PUDP: variants seen among roughly 807,000 people sequenced by gnomAD.
PUDP encodes the protein pseudouridine 5'-phosphatase.
A neutral mutation model predicts 9.4 loss-of-function variants in PUDP; 8 were observed. That is an observed-to-expected ratio of 0.85 (90% CI 0.50 to 1.53). The LOEUF is 1.53. Among genes scored for constraint, PUDP ranks in the 40% most tolerant of loss-of-function variants. The probability of loss-of-function intolerance (pLI) is 0.00; values close to 1 mark genes in which losing one functional copy is unlikely to be tolerated. For missense variants in PUDP, 188 were observed against 189.7 expected (o/e 0.99, Z 0.05); for synonymous variants, 99 against 80.7 (o/e 1.23, Z -1.22).
intron 3 of PUDP, among the ~76,000 whole-genome samples, chrX:6,747,893 C>T (rs1295945750): frequency 8.9e-6 from 1 of 111,919 alleles, no homozygotes; most frequent in Non-Finnish European, 1.9e-5. Flanking sequence ...GAACTAGCAG[C>T]AGAGAACGTA....
intron 3 of PUDP, among the ~76,000 whole-genome samples, chrX:6,790,236 T>C (rs1360269543): frequency 1.8e-5 from 2 of 111,250 alleles, no homozygotes; most frequent in East Asian, 2.8e-4. Flanking sequence ...GGATATGATA[T>C]ATAGATGGAG....
chrX:6,796,646 CAT>C (rs1418258819), intron 3 of PUDP, among the ~76,000 whole-genome samples: 3 of 111,837 alleles, frequency 2.7e-5, no homozygotes, highest in Non-Finnish European at 5.6e-5. Context: ...ATTATATACT[CAT>C]GTGTGTGTAT....
At chrX:6,808,557 C>T (rs772513897) in intron 3 of PUDP, among the ~76,000 whole-genome samples, 2 of 111,731 alleles carry the variant, frequency 1.8e-5, no homozygotes, top group Admixed American at 1.9e-4. Flanking sequence ...CTTTGCTTGA[C>T]AGAATTCCCT....
intron 1 of PUDP, among the ~76,000 whole-genome samples, chrX:7,012,481 G>A (rs1295707999): frequency 3.6e-5 from 4 of 111,675 alleles, no homozygotes; most frequent in Non-Finnish European, 7.5e-5. Context: ...ACTGCCGCAC[G>A]CTCAGATGAA....
Position 7,105,630 on chromosome X carries a change from C to T in PUDP, c.270G>A (p.Ala90=), listed in dbSNP as rs200144671. ...GCGAGGCAACCGCACCTGGCATGAG[C>T]GCAGCCGTGGGGAACACTTCCTTTA... ...TKLKEVFPTA[A]LMPGAEKLII... The change falls in exon 2 of 4, where the codon GCG becomes GCA. Residue 90 remains alanine (A), a synonymous_variant. Coordinates refer to ENST00000381077, the MANE Select transcript of PUDP (RefSeq NM_012080.5). 9.1e-5 allele frequency: 110 copies of T among 1,202,221 alleles called. No homozygotes were observed. The East Asian group carries it at 3.1e-3, about 34-fold the overall frequency.
chrX:6,976,135 C>T (rs1346260775), intron 3 of PUDP, among the ~76,000 whole-genome samples: 5 of 112,276 alleles, frequency 4.5e-5, no homozygotes, highest in African/African-American at 1.6e-4. Context: ...ACTAGCTGGG[C>T]TCCATGGGGG....
intron 3 of PUDP, among the ~76,000 whole-genome samples, chrX:7,068,654 G>A (rs780346380): frequency 2.7e-5 from 3 of 112,362 alleles, no homozygotes; most frequent in East Asian, 2.8e-4. Context: ...GAGAATCCTC[G>A]TGCAATGAGA....
At chrX:7,117,930 T>A (rs1377252544) in intron 1 of PUDP, among the ~76,000 whole-genome samples, 2 of 113,359 alleles carry the variant, frequency 1.8e-5, no homozygotes, top group African/African-American at 6.4e-5. Context: ...AGGGAGCTCA[T>A]CCTGGTGCTC....
At chrX:6,805,409 G>A (rs1175129931) in intron 3 of PUDP, among the ~76,000 whole-genome samples, 1 of 111,621 alleles carries the variant, frequency 9.0e-6, no homozygotes, top group East Asian at 2.8e-4. Context: ...GGGTCCTAAG[G>A]GCAGAGAGAC....
chrX:7,002,375 T>C (rs1376987186), intron 1 of PUDP, among the ~76,000 whole-genome samples: 4 of 112,129 alleles, frequency 3.6e-5, no homozygotes, highest in African/African-American at 1.3e-4. Flanking sequence ...GCTGACAATG[T>C]ACTGGAGGAC....
intron 3 of PUDP, among the ~76,000 whole-genome samples, chrX:6,872,059 CAT>C (rs1927182402): frequency 9.0e-6 from 1 of 110,984 alleles, no homozygotes; most frequent in African/African-American, 3.3e-5. Flanking sequence ...GGGTCTCTTT[CAT>C]AAGGGCACAG....
At chrX:7,033,860 A>G (rs1488926835) in intron 1 of PUDP, among the ~76,000 whole-genome samples, 1 of 112,062 alleles carries the variant, frequency 8.9e-6, no homozygotes, top group Non-Finnish European at 1.9e-5. Flanking sequence ...GGGTGTGACC[A>G]GTAGATTGAT....
chrX:6,750,585 C>T (rs972903328), intron 3 of PUDP, among the ~76,000 whole-genome samples: 2 of 111,453 alleles, frequency 1.8e-5, no homozygotes, highest in Admixed American at 1.9e-4. Context: ...AACATTGACC[C>T]CTGGTAGGCT....
At chrX:6,749,596 T>A (rs1033226862) in intron 3 of PUDP, among the ~76,000 whole-genome samples, 3 of 112,067 alleles carry the variant, frequency 2.7e-5, no homozygotes, top group African/African-American at 9.7e-5. Context: ...GAAATGAATC[T>A]TGGCAGGATG....
In PUDP at chrX:7,050,448, TG is replaced by T; in HGVS notation, c.534del (p.Asn179MetfsTer21). On this transcript the variant is annotated frameshift_variant, in exon 4 of 4. Coordinates refer to ENST00000381077, the MANE Select transcript of PUDP (RefSeq NM_012080.5). LOFTEE classifies it high-confidence loss of function. The part of the protein sequence containing the change: ...MEKCLVFEDA[P>X]NGVEAALAAG... ...GCTGCCAGGGCCGCCTCCACCCCAT[TG>T]GGAGCATCTTCAAAGACAAGGCACT... 1 of 1,210,804 alleles carries T rather than the reference TG, an allele frequency of 8.3e-7. No homozygotes were observed. Among genetic ancestry groups the T allele is most frequent in the Non-Finnish European group, 1.1e-6 (1 of 894,850 alleles).
chrX:6,857,116 C>T (rs928197229), intron 3 of PUDP, among the ~76,000 whole-genome samples: 1 of 112,439 alleles, frequency 8.9e-6, no homozygotes, highest in Non-Finnish European at 1.9e-5. Context: ...ATTTAGTGAA[C>T]ATTGATTTAT....
At chrX:7,021,233 A>C (rs1929628741) in intron 1 of PUDP, among the ~76,000 whole-genome samples, 1 of 112,291 alleles carries the variant, frequency 8.9e-6, no homozygotes, top group Non-Finnish European at 1.9e-5. Context: ...TTGAAATGGC[A>C]AGTGAATGGG....
chrX:7,093,688 G>A (rs1216799811), intron 2 of PUDP, among the ~76,000 whole-genome samples: 2 of 111,795 alleles, frequency 1.8e-5, no homozygotes, highest in African/African-American at 6.5e-5. Context: ...AACCCATTGT[G>A]GTCATTTATC....
chrX:7,021,382 G>C (rs756655957), intron 1 of PUDP, among the ~76,000 whole-genome samples: 2 of 111,316 alleles, frequency 1.8e-5, no homozygotes, highest in African/African-American at 6.5e-5. Flanking sequence ...GACCCTCAGA[G>C]ACCAAAATGC....
Sources: gnomAD v4.1 joint callset for allele counts (sites outside exome capture counted in the v4.1 genomes callset) on GRCh38, gnomAD v4.1.1 for gene constraint, MANE v1.5 for transcripts, NCBI Gene and HGNC (gene_info 2026-07-23, HGNC 2026-07-21) for gene names.